RPH3A: variants seen among roughly 807,000 people sequenced by gnomAD.
The protein encoded by RPH3A is rabphilin 3A.
RPH3A carries 48 observed loss-of-function variants against 102.2 expected under a neutral mutation model. The observed-to-expected ratio is 0.47, with a 90% CI of 0.37 to 0.60. The LOEUF (loss-of-function observed/expected upper bound fraction) is 0.60, where lower values mean the gene tolerates loss of function less well. Ranked by LOEUF, RPH3A falls within the 20% of genes least tolerant of loss-of-function variation. The pLI, the probability that RPH3A is intolerant of heterozygous loss-of-function variation, is 0.00. For synonymous variants in RPH3A, 310 were observed against 324.3 expected, an observed-to-expected ratio of 0.96 and a Z score of 0.47; for missense variants, 781 against 910.1, an observed-to-expected ratio of 0.86 and a Z score of 1.83.
At chr12:112,826,141 C>T (rs1000658199) in intron 2 of RPH3A, among the ~76,000 whole-genome samples, 1 of 152,094 alleles carries the variant, frequency 6.6e-6, no homozygotes, top group Non-Finnish European at 1.5e-5. Flanking sequence ...GTCAGGGAGG[C>T]CCTCTTGGAC....
At chr12:112,713,343 A>C (rs1198085511) in intron 1 of RPH3A, among the ~76,000 whole-genome samples, 2 of 152,016 alleles carry the variant, frequency 1.3e-5, no homozygotes, top group Non-Finnish European at 2.9e-5. Context: ...TTTTTCACTC[A>C]ACATCAAGGT....
intron 1 of RPH3A, among the ~76,000 whole-genome samples, chr12:112,665,774 A>G (rs977451651): frequency 1.3e-5 from 2 of 152,144 alleles, no homozygotes; most frequent in Admixed American, 6.5e-5. Flanking sequence ...CCTTCATTGC[A>G]TAAGGAGATT....
At chr12:112,657,618 A>G (rs1431448465) in intron 1 of RPH3A, among the ~76,000 whole-genome samples, 1 of 152,212 alleles carries the variant, frequency 6.6e-6, no homozygotes, top group Non-Finnish European at 1.5e-5. Flanking sequence ...CAGCTCCATT[A>G]TAACCTTATG....
At chr12:112,696,581 C>T (rs2040353833) in intron 1 of RPH3A, among the ~76,000 whole-genome samples, 1 of 152,178 alleles carries the variant, frequency 6.6e-6, no homozygotes, top group African/African-American at 2.4e-5. Flanking sequence ...CATCCCAACT[C>T]TTCTGACTCC....
intron 1 of RPH3A, among the ~76,000 whole-genome samples, chr12:112,668,239 C>T (rs181205173): frequency 1.3e-5 from 2 of 152,192 alleles, no homozygotes; most frequent in East Asian, 3.9e-4. Flanking sequence ...CAGGTGGCCC[C>T]CCAAAATGTT....
intron 1 of RPH3A, among the ~76,000 whole-genome samples, chr12:112,586,783 G>A (rs181824387): frequency 3.2e-4 from 48 of 152,326 alleles, no homozygotes; most frequent in Non-Finnish European, 5.6e-4. Context: ...GGCATAGAGC[G>A]ATGAAGACAT....
chr12:112,647,940 C>T (rs2039943180), intron 1 of RPH3A, among the ~76,000 whole-genome samples: 1 of 152,158 alleles, frequency 6.6e-6, no homozygotes, highest in Non-Finnish European at 1.5e-5. Context: ...ATTATTCTTG[C>T]TACTAGTCTT....
chr12:112,747,639 G>C (rs2040757972), intron 1 of RPH3A, among the ~76,000 whole-genome samples: 1 of 152,126 alleles, frequency 6.6e-6, no homozygotes, highest in African/African-American at 2.4e-5. Context: ...TAGTAGGTCT[G>C]TTCTGATCTC....
chr12:112,575,776 C>G (rs2039354664), intron 1 of RPH3A, among the ~76,000 whole-genome samples: 1 of 152,164 alleles, frequency 6.6e-6, no homozygotes, highest in East Asian at 1.9e-4. Flanking sequence ...ACGGGAAACT[C>G]AGAAAGTGCT....
In RPH3A at chr12:112,645,497, C is replaced by T. The variant is rs146044535; in HGVS notation, c.-140+70178C>T. Among the ~76,000 whole-genome samples, 397 of 152,226 alleles carry T rather than the reference C, an allele frequency of 2.6e-3. 2 individuals carry two copies. Among genetic ancestry groups the T allele is most frequent in the African/African-American group, 9.0e-3 (375 of 41,522 alleles). On this transcript the variant is annotated intron_variant, in intron 1 of 21. Coordinates refer to the RPH3A transcript ENST00000543106. ...TTGAACCACTGGAGCAGAGCACTTACGACTGTGTTTTAAGATTATCACAAG... is the reference window on the plus strand; with the variant it reads ...TTGAACCACTGGAGCAGAGCACTTATGACTGTGTTTTAAGATTATCACAAG...
intron 1 of RPH3A, among the ~76,000 whole-genome samples, chr12:112,701,775 G>A (rs545346263): frequency 1.3e-4 from 20 of 152,288 alleles, no homozygotes; most frequent in Middle Eastern, 3.4e-3. Context: ...GATGTGGTTC[G>A]TCAGAAGCAA....
intron 2 of RPH3A, among the ~76,000 whole-genome samples, chr12:112,805,647 A>C (rs900182034): frequency 2.6e-5 from 4 of 152,170 alleles, no homozygotes; most frequent in African/African-American, 9.7e-5. Flanking sequence ...CTGAAGAAAT[A>C]ATATTCCTAA....
Position 112,847,708 on chromosome 12 carries a change from CT to C in RPH3A, c.97del (p.Trp33GlyfsTer18). On this transcript the variant is annotated frameshift_variant, in exon 5 of 22. Transcript: ENST00000389385. LOFTEE classifies it high-confidence loss of function. ...SNDKEQLQAGWSVHPGGQPDR... is the reference protein window; with the variant it reads ...SNDKEQLQAGXSVHPGGQPDR... The stretch of plus-strand genomic sequence containing the variant: ...AATTTCCTTTCAGGCTCCAGGCAGG[CT>C]GGTCCGTCCACCCCGGTGGTCAGCC... 1 of 1,613,958 alleles carries C rather than the reference CT, an allele frequency of 6.2e-7. No homozygotes were observed. Among genetic ancestry groups the C allele is most frequent in the Non-Finnish European group, 8.5e-7 (1 of 1,179,968 alleles).
At chr12:112,886,593 T>C (rs1350012112) in intron 16 of RPH3A, among the ~76,000 whole-genome samples, 2 of 152,194 alleles carry the variant, frequency 1.3e-5, no homozygotes, top group African/African-American at 4.8e-5. Flanking sequence ...AGACTGGTAC[T>C]GGTCCATGGC....
At chr12:112,819,031 AAT>A (rs747570346) in intron 2 of RPH3A, among the ~76,000 whole-genome samples, 17 of 149,816 alleles carry the variant, frequency 1.1e-4, no homozygotes, top group Non-Finnish European at 7.4e-5. Context: ...GCATAAGAAG[AAT>A]ATATATATAT....
intron 4 of RPH3A, among the ~76,000 whole-genome samples, chr12:112,841,711 T>TG (rs1017240293): frequency 3.3e-5 from 5 of 150,840 alleles, no homozygotes; most frequent in Admixed American, 6.6e-5. Context: ...TTTTTGGTTT[T>TG]TTTTTTTTTT....
intron 5 of RPH3A, among the ~76,000 whole-genome samples, chr12:112,854,667 A>G (rs182938013): frequency 4.1e-4 from 63 of 152,236 alleles, no homozygotes; most frequent in Non-Finnish European, 7.5e-4. Flanking sequence ...ACTTTTAAAT[A>G]TCATATATTT....
chr12:112,685,666 G>A (rs1431301449), intron 1 of RPH3A, among the ~76,000 whole-genome samples: 4 of 152,136 alleles, frequency 2.6e-5, no homozygotes, highest in Non-Finnish European at 5.9e-5. Context: ...CCCAGCCTTT[G>A]GGCCAGCTGG....
intron 1 of RPH3A, among the ~76,000 whole-genome samples, chr12:112,639,661 C>G (rs2039872742): frequency 6.6e-6 from 1 of 152,056 alleles, no homozygotes; most frequent in Non-Finnish European, 1.5e-5. Context: ...GAAGGGAGCC[C>G]CCCTCCCCCC....
Sources: allele counts gnomAD v4.1 joint callset (sites outside exome capture counted in the v4.1 genomes callset), GRCh38; gene constraint gnomAD v4.1.1; transcripts MANE v1.5; gene names NCBI Gene and HGNC (gene_info 2026-07-23, HGNC 2026-07-21).